FAM72B: variants seen among roughly 807,000 people sequenced by gnomAD.
The protein encoded by FAM72B is protein FAM72B.
In FAM72B, 4 loss-of-function variants were observed where a neutral mutation model predicts 12.6. The ratio of observed to expected loss-of-function variants is 0.32; its 90% confidence interval spans 0.16 to 0.73. FAM72B has a LOEUF of 0.73. Among genes scored for constraint, FAM72B ranks in the 30% least tolerant of loss-of-function variants. The pLI is 0.67. For synonymous variants in FAM72B, 13 were observed against 53.9 expected (o/e 0.24, Z 3.32); for missense variants, 61 against 158.4 (o/e 0.39, Z 3.30).
At position 121,183,548 on chromosome 1, in the gene FAM72B, T is replaced by C. The variant is rs1654385499; in HGVS notation, c.-59A>G. 3.1e-6 allele frequency: 5 copies of C among 1,608,768 alleles called. No individual in the cohort carries two copies. The highest frequency in any genetic ancestry group is 2.7e-5 in the African/African-American group (2 of 74,516). ...AAAAAGGAAACAAGAGTAATGCTCC[T>C]ACTATTTTGATTCCCCTAGGCTAAA... On this transcript the variant is annotated 5_prime_UTR_variant, in exon 1 of 4. Coordinates refer to ENST00000369390, the MANE Select transcript of FAM72B (RefSeq NM_001100910.2).
At chr1:121,171,967 A>T (rs1423176381) in intron 3 of FAM72B, among the ~76,000 whole-genome samples, 1 of 127,564 alleles carries the variant, frequency 7.8e-6, no homozygotes, top group East Asian at 2.3e-4. Flanking sequence ...TAAAAAATAC[A>T]TTTAAGTTCT....
chr1:121,179,760 G>T (rs370672203), intron 2 of FAM72B, among the ~76,000 whole-genome samples: 3 of 144,292 alleles, frequency 2.1e-5, no homozygotes, highest in African/African-American at 8.0e-5. Flanking sequence ...CCTGGGAGGC[G>T]GAGGTTGCAG....
At chr1:121,176,779 C>T (rs1324965820) in intron 3 of FAM72B, among the ~76,000 whole-genome samples, 1 of 152,102 alleles carries the variant, frequency 6.6e-6, no homozygotes, top group East Asian at 1.9e-4. Context: ...TCTGAAGCAT[C>T]ACTAAATACA....
rs1461176634 is a variant in FAM72B at position 121,183,561 on chromosome 1, C to A, written c.-72G>T. On this transcript the variant is annotated 5_prime_UTR_variant, in exon 1 of 4. Transcript: ENST00000369390. The stretch of plus-strand genomic sequence containing the variant: ...GAGTAATGCTCCTACTATTTTGATT[C>A]CCCTAGGCTAAAATTCAAGTTGCGG... 1 of 1,609,212 alleles carries A rather than the reference C, an allele frequency of 6.2e-7. No individual in the cohort carries two copies. Among genetic ancestry groups the A allele is most frequent in the Non-Finnish European group, 8.5e-7 (1 of 1,178,498 alleles).
At chr1:121,176,736 T>C (rs1654222357) in intron 3 of FAM72B, among the ~76,000 whole-genome samples, 1 of 151,330 alleles carries the variant, frequency 6.6e-6, no homozygotes, top group South Asian at 2.1e-4. Flanking sequence ...TGTCATAACG[T>C]ATTAACATAG....
intron 3 of FAM72B, among the ~76,000 whole-genome samples, chr1:121,172,629 G>A (rs1553316314): frequency 6.9e-6 from 1 of 145,536 alleles, no homozygotes; most frequent in Admixed American, 6.7e-5. Flanking sequence ...CAGGTGTAGT[G>A]GTGCACACCT....
intron 3 of FAM72B, among the ~76,000 whole-genome samples, chr1:121,169,681 T>C (rs1654051703): frequency 6.6e-6 from 1 of 152,140 alleles, no homozygotes; most frequent in Non-Finnish European, 1.5e-5. Context: ...ACTGCAATCC[T>C]TGGTACCAGT....
chr1:121,180,348 C>T (rs1321485772), intron 2 of FAM72B, among the ~76,000 whole-genome samples: 2 of 110,698 alleles, frequency 1.8e-5, no homozygotes, highest in Non-Finnish European at 3.5e-5. Context: ...TCAAGAGCAG[C>T]CTGACCAACA....
intron 2 of FAM72B, among the ~76,000 whole-genome samples, chr1:121,180,633 G>C (rs1258861040): frequency 1.3e-5 from 2 of 151,754 alleles, no homozygotes; most frequent in African/African-American, 4.8e-5. Context: ...GCTGAGGAGA[G>C]AGGATCACTT....
intron 3 of FAM72B, among the ~76,000 whole-genome samples, chr1:121,169,700 G>C (rs1458297090): frequency 6.6e-6 from 1 of 152,034 alleles, no homozygotes; most frequent in Non-Finnish European, 1.5e-5. Context: ...GTGGGTTTCA[G>C]TCCACAGGCA....
rs1654173644 is a variant in FAM72B, at chr1:121,174,665, C to A, written c.355+2543G>T. Among the ~76,000 whole-genome samples the A allele has an allele frequency of 4.6e-5, 7 of 150,996 alleles. No individual in the cohort carries two copies. In the South Asian group the frequency reaches 1.5e-3, roughly 31 times the overall value. ...TACAGGTGTGAGCCACCGCGCCCGGCCTCTTATTCCTTTTTTTTTTTTCAG... is the reference window on the plus strand; with the variant it reads ...TACAGGTGTGAGCCACCGCGCCCGGACTCTTATTCCTTTTTTTTTTTTCAG... On this transcript the variant is annotated intron_variant, in intron 3 of 3. Coordinates refer to ENST00000369390, the MANE Select transcript of FAM72B (RefSeq NM_001100910.2).
At chr1:121,179,991 A>G (rs868987175) in intron 2 of FAM72B, among the ~76,000 whole-genome samples, 12 of 92,490 alleles carry the variant, frequency 1.3e-4, no homozygotes, top group South Asian at 3.9e-4. Flanking sequence ...AGCACATAAG[A>G]AGAGCTTGCC....
chr1:121,180,726 G>A (rs1315196231), intron 2 of FAM72B, among the ~76,000 whole-genome samples: 1 of 151,346 alleles, frequency 6.6e-6, no homozygotes, highest in East Asian at 2.0e-4. Context: ...AGGCCTGGTG[G>A]TGCCTGCCTG....
At chr1:121,169,933 C>A (rs78266807) in intron 3 of FAM72B, among the ~76,000 whole-genome samples, 1 of 152,004 alleles carries the variant, frequency 6.6e-6, no homozygotes, top group Non-Finnish European at 1.5e-5. Flanking sequence ...AATAACTGAC[C>A]TCTAGGATAG....
chr1:121,175,132 T>C (rs1282186025), intron 3 of FAM72B, among the ~76,000 whole-genome samples: 7 of 152,174 alleles, frequency 4.6e-5, no homozygotes, highest in Admixed American at 1.3e-4. Flanking sequence ...GTTCTGAAAT[T>C]TCTAGGGTTC....
rs1416268352 is a variant in FAM72B at position 121,176,419 on chromosome 1, G to A, written c.355+789C>T. Among the ~76,000 whole-genome samples, 12 of 90,006 alleles carry A rather than the reference G, an allele frequency of 1.3e-4. 1 individual carries two copies. The highest frequency in any genetic ancestry group is 4.4e-4 in the African/African-American group (9 of 20,330). 59.0% of individuals were successfully genotyped at this position (90,006 alleles called of 152,430 possible). A position where few individuals can be genotyped will look rare whatever the true frequency, so the allele number is the denominator to read the frequency against. ...ACTCCTGGGCTCAAGTGATCCTCCCGCCTTGGACTACCAAAGTGCTGGGAT... is the reference window on the plus strand; with the variant it reads ...ACTCCTGGGCTCAAGTGATCCTCCCACCTTGGACTACCAAAGTGCTGGGAT... On this transcript the variant is annotated intron_variant, in intron 3 of 3. Transcript: ENST00000369390.
At chr1:121,171,853 A>T (rs1654097506) in intron 3 of FAM72B, among the ~76,000 whole-genome samples, 1 of 86,194 alleles carries the variant, frequency 1.2e-5, no homozygotes, top group Non-Finnish European at 2.3e-5. Flanking sequence ...CAGATAAAAA[A>T]ATCAAATCTA....
chr1:121,168,815 C>T lies in FAM72B; in HGVS notation c.376G>A (p.Gly126Ser), dbSNP rs1654027313. The change falls in exon 4 of 4, where the codon GGC becomes AGC. Residue 126 changes from glycine (G) to serine (S), a missense_variant. Coordinates refer to ENST00000369390, the MANE Select transcript of FAM72B (RefSeq NM_001100910.2). ...DSTGVNILLW[G>S]NLPEIEESTD... ...CTCTCTTCTATCTCTGGCAAGTTGC[C>T]CCAAAGTAGGATGTTTACACCTGAA... The T allele has an allele frequency of 6.2e-7, 1 of 1,609,002 alleles. No individual in the cohort carries two copies. Among genetic ancestry groups the T allele is most frequent in the African/African-American group, 1.3e-5 (1 of 74,578 alleles).
chr1:121,173,200 T>G (rs1478802813), intron 3 of FAM72B, among the ~76,000 whole-genome samples: 2 of 148,240 alleles, frequency 1.3e-5, no homozygotes, highest in Non-Finnish European at 3.0e-5. Context: ...TTTTTTTTTT[T>G]TTGAGACAGG....
Sources: allele counts gnomAD v4.1 joint callset (sites outside exome capture counted in the v4.1 genomes callset), GRCh38; gene constraint gnomAD v4.1.1; transcripts MANE v1.5; gene names NCBI Gene and HGNC (gene_info 2026-07-23, HGNC 2026-07-21).